The following PBX3 variants were observed in gnomAD, a reference collection of about 807,000 sequenced individuals.
PBX3 encodes pre-B-cell leukemia transcription factor 3.
PBX3 carries 14 observed loss-of-function variants against 48.5 expected under a neutral mutation model. The observed-to-expected ratio is 0.29, with a 90% CI of 0.19 to 0.45. PBX3 has a LOEUF of 0.45. PBX3 is among the 20% of genes least tolerant of loss of function. The pLI is 1.00. For synonymous variants in PBX3, 210 were observed against 200.3 expected (o/e 1.05, Z -0.41); for missense variants, 386 against 546.7 (o/e 0.71, Z 2.93).
chr9:125,924,759 A>C (rs1266653282), intron 3 of PBX3, among the ~76,000 whole-genome samples: 1 of 152,226 alleles, frequency 6.6e-6, no homozygotes, highest in Non-Finnish European at 1.5e-5. Context: ...GAAACTGTTA[A>C]GCTTACAATG....
chr9:125,875,736 C>T (rs777513479), intron 2 of PBX3, among the ~76,000 whole-genome samples: 1 of 152,140 alleles, frequency 6.6e-6, no homozygotes, highest in Non-Finnish European at 1.5e-5. Flanking sequence ...TATTCCCCCC[C>T]ACCTGTAGGA....
intron 2 of PBX3, among the ~76,000 whole-genome samples, chr9:125,894,963 A>G (rs1840736189): frequency 6.6e-6 from 1 of 152,162 alleles, no homozygotes; most frequent in Non-Finnish European, 1.5e-5. Flanking sequence ...AAAAATCTCT[A>G]TAAATAATTT....
rs74444895 is a variant in PBX3 at position 125,831,203 on chromosome 9, A to T, written c.274+82580A>T. Among the ~76,000 whole-genome samples, 781 of 152,304 alleles carry T rather than the reference A, an allele frequency of 5.1e-3. 3 individuals carry two copies. Among genetic ancestry groups the T allele is most frequent in the Non-Finnish European group, 9.1e-3 (616 of 68,024 alleles). On this transcript the variant is annotated intron_variant, in intron 2 of 8. Coordinates refer to ENST00000373489, the MANE Select transcript of PBX3 (RefSeq NM_006195.6). The stretch of plus-strand genomic sequence containing the variant: ...ATCTAAAAGCTTGATTAGATTCATC[A>T]TGCATCACATCAGCCATAACGTTTA...
At chr9:125,876,293 A>G (rs986690041) in intron 2 of PBX3, among the ~76,000 whole-genome samples, 3 of 152,174 alleles carry the variant, frequency 2.0e-5, no homozygotes, top group Non-Finnish European at 4.4e-5. Context: ...TCTAGTTTGT[A>G]TTACAAATAG....
In PBX3 at chr9:125,917,660, C is replaced by G. The variant is rs1474942963; in HGVS notation, c.516+1733C>G. On this transcript the variant is annotated intron_variant, in intron 3 of 8. Transcript: ENST00000373489. The stretch of plus-strand genomic sequence containing the variant: ...ATATATCGTTGTTTTTTCACATTGC[C>G]TTTTCTAATATTCTGGATACAATGG... Among the ~76,000 whole-genome samples the G allele has an allele frequency of 2.0e-5, 3 of 152,056 alleles. No individual in the cohort carries two copies. The East Asian group carries it at 5.8e-4, about 29-fold the overall frequency.
intron 2 of PBX3, among the ~76,000 whole-genome samples, chr9:125,838,924 G>T (rs1322065395): frequency 6.6e-6 from 1 of 152,210 alleles, no homozygotes; most frequent in Non-Finnish European, 1.5e-5. Context: ...CCAGGAAAGT[G>T]ATAGAAGTTT....
chr9:125,965,778 G>A (rs1842518768), intron 8 of PBX3, 53 bp from the exon 9 acceptor site: 2 of 1,312,194 alleles, frequency 1.5e-6, no homozygotes, highest in Middle Eastern at 1.8e-4. Flanking sequence ...TTAAATTGGG[G>A]AGTAGAATTA....
chr9:125,842,334 A>C (rs1278983285), intron 2 of PBX3, among the ~76,000 whole-genome samples: 1 of 152,146 alleles, frequency 6.6e-6, no homozygotes, highest in Non-Finnish European at 1.5e-5. Context: ...TGGCTCTGAC[A>C]CTCAATTTTA....
At chr9:125,850,519 T>C (rs1839550219) in intron 2 of PBX3, among the ~76,000 whole-genome samples, 1 of 152,080 alleles carries the variant, frequency 6.6e-6, no homozygotes, top group African/African-American at 2.4e-5. Flanking sequence ...CTACATATTA[T>C]TTAAATATCC....
At chr9:125,776,676 G>A (rs539579949) in intron 2 of PBX3, among the ~76,000 whole-genome samples, 1 of 152,154 alleles carries the variant, frequency 6.6e-6, no homozygotes, top group East Asian at 1.9e-4. Flanking sequence ...GAGTATCTGG[G>A]ACTTTAGGCA....
At chr9:125,936,033 C>G (rs761491498) in intron 5 of PBX3, among the ~76,000 whole-genome samples, 3 of 152,202 alleles carry the variant, frequency 2.0e-5, no homozygotes, top group Non-Finnish European at 2.9e-5. Flanking sequence ...TTGAGGAATT[C>G]ACCAGGCCCT....
At chr9:125,940,686 C>T (rs1484183609) in intron 5 of PBX3, among the ~76,000 whole-genome samples, 1 of 152,132 alleles carries the variant, frequency 6.6e-6, no homozygotes, top group Non-Finnish European at 1.5e-5. Flanking sequence ...TGAACTATAA[C>T]TATATGTAAC....
intron 1 of PBX3, chr9:125,748,320 T>A: frequency 7.5e-6 from 9 of 1,206,414 alleles, no homozygotes; most frequent in Non-Finnish European, 9.4e-6. Context: ...TGGCCGAGGC[T>A]GCTGCCTGCC....
chr9:125,818,425 C>T (rs1243818917), intron 2 of PBX3, among the ~76,000 whole-genome samples: 1 of 151,794 alleles, frequency 6.6e-6, no homozygotes, highest in Non-Finnish European at 1.5e-5. Context: ...GCCTCTGCCT[C>T]CTGGGTTCAA....
chr9:125,862,621 G>A (rs1029964415), intron 2 of PBX3, among the ~76,000 whole-genome samples: 2 of 152,188 alleles, frequency 1.3e-5, no homozygotes, highest in Middle Eastern at 3.4e-3. Context: ...TCCTGACCTC[G>A]TGATCAGCCC....
intron 2 of PBX3, among the ~76,000 whole-genome samples, chr9:125,901,924 C>A (rs1386464116): frequency 6.6e-6 from 1 of 151,692 alleles, no homozygotes; most frequent in Admixed American, 6.6e-5. Context: ...CAGGACCTTG[C>A]CTAGACCGTG....
At chr9:125,805,206 A>G (rs1838089309) in intron 2 of PBX3, among the ~76,000 whole-genome samples, 3 of 150,928 alleles carry the variant, frequency 2.0e-5, no homozygotes, top group African/African-American at 4.9e-5. Context: ...TTCCAGGAAG[A>G]GGGACTGCCA....
intron 2 of PBX3, among the ~76,000 whole-genome samples, chr9:125,765,752 A>T (rs149927627): frequency 6.6e-6 from 1 of 152,292 alleles, no homozygotes; most frequent in African/African-American, 2.4e-5. Context: ...TTCATTTTTA[A>T]AGCTCCAAAG....
intron 5 of PBX3, among the ~76,000 whole-genome samples, chr9:125,942,741 C>G (rs1302831292): frequency 1.3e-5 from 2 of 152,162 alleles, no homozygotes; most frequent in Non-Finnish European, 1.5e-5. Flanking sequence ...AGGCTACAGA[C>G]CCTCTGTTCT....
Sources: allele counts gnomAD v4.1 joint callset (sites outside exome capture counted in the v4.1 genomes callset), GRCh38; gene constraint gnomAD v4.1.1; transcripts MANE v1.5; gene names NCBI Gene and HGNC (gene_info 2026-07-23, HGNC 2026-07-21).